ZC3H12B: variants seen among roughly 807,000 people sequenced by gnomAD.
ZC3H12B encodes zinc finger CCCH-type containing 12B, also known as probable ribonuclease ZC3H12B.
In ZC3H12B, 7 loss-of-function variants were observed where a neutral mutation model predicts 43.9. That is an observed-to-expected ratio of 0.16 (90% CI 0.09 to 0.30). The LOEUF is 0.30. ZC3H12B is among the 10% of genes least tolerant of loss of function. The probability of loss-of-function intolerance (pLI) is 1.00; values close to 1 mark genes in which losing one functional copy is unlikely to be tolerated. For missense variants in ZC3H12B, 475 were observed against 670.2 expected, an observed-to-expected ratio of 0.71 and a Z score of 3.22; for synonymous variants, 222 against 241.7, an observed-to-expected ratio of 0.92 and a Z score of 0.76.
At chrX:65,203,443 G>C in the ZC3H12B span, among the ~76,000 whole-genome samples, 1 of 110,809 alleles carries the variant, frequency 9.0e-6, no homozygotes, top group Non-Finnish European at 1.9e-5. Context: ...CAGTCAGCAG[G>C]TAATGAATTC....
chrX:65,060,910 C>T, the ZC3H12B span, among the ~76,000 whole-genome samples: 1 of 111,459 alleles, frequency 9.0e-6, no homozygotes, highest in Admixed American at 9.5e-5. Context: ...TTTCTTTACT[C>T]GTAGACTTGT....
chrX:65,230,611 CAA>C, the ZC3H12B span, among the ~76,000 whole-genome samples: 126 of 49,268 alleles, frequency 2.6e-3, 1 homozygote, highest in Admixed American at 5.6e-3. Flanking sequence ...CCCCCAGCGC[CAA>C]AAAAAAAAAA....
At chrX:65,148,610 C>A in the ZC3H12B span, among the ~76,000 whole-genome samples, 1 of 111,105 alleles carries the variant, frequency 9.0e-6, no homozygotes, top group African/African-American at 3.3e-5. Flanking sequence ...GGGTCCACGG[C>A]GAAGTCTAGT....
the ZC3H12B span, among the ~76,000 whole-genome samples, chrX:65,222,634 A>G: frequency 9.7e-6 from 1 of 103,424 alleles, no homozygotes; most frequent in Non-Finnish European, 2.0e-5. Context: ...AATAATAATA[A>G]TAATAATAAT....
At chrX:65,211,069 A>G in the ZC3H12B span, among the ~76,000 whole-genome samples, 1 of 77,830 alleles carries the variant, frequency 1.3e-5, no homozygotes, top group Non-Finnish European at 2.1e-5. Flanking sequence ...TTAGAGTATA[A>G]TAAAAAAAAA....
At chrX:65,453,093 A>T (rs2067542746) in intron 3 of ZC3H12B, among the ~76,000 whole-genome samples, 1 of 108,462 alleles carries the variant, frequency 9.2e-6, no homozygotes, top group Non-Finnish European at 1.9e-5. Context: ...ACATTATCTG[A>T]CTTCAAATTA....
chrX:65,239,365 C>A, the ZC3H12B span, among the ~76,000 whole-genome samples: 7 of 109,068 alleles, frequency 6.4e-5, no homozygotes, highest in South Asian at 2.7e-3. Context: ...GGTTTAAAGT[C>A]TGTTTTTTCA....
At chrX:65,123,873 G>C in the ZC3H12B span, among the ~76,000 whole-genome samples, 1 of 109,993 alleles carries the variant, frequency 9.1e-6, no homozygotes, top group Admixed American at 9.8e-5. Flanking sequence ...TCATTCACCA[G>C]AGCTAGGAGC....
At chrX:65,239,169 G>A in the ZC3H12B span, among the ~76,000 whole-genome samples, 1 of 110,758 alleles carries the variant, frequency 9.0e-6, no homozygotes, top group Non-Finnish European at 1.9e-5. Context: ...ATTGTTAGTG[G>A]GGTGTTTAAG....
chrX:65,132,707 T>C, the ZC3H12B span, among the ~76,000 whole-genome samples: 2 of 110,631 alleles, frequency 1.8e-5, no homozygotes, highest in African/African-American at 6.6e-5. Context: ...GTTGGGGAGG[T>C]TTAGAAGCCT....
the ZC3H12B span, among the ~76,000 whole-genome samples, chrX:65,094,951 G>T: frequency 8.0e-5 from 9 of 111,896 alleles, no homozygotes; most frequent in Admixed American, 6.6e-4. Flanking sequence ...AACTAGTTAT[G>T]CAGACTTAGG....
At chrX:65,341,586 A>C in the ZC3H12B span, among the ~76,000 whole-genome samples, 1 of 111,618 alleles carries the variant, frequency 9.0e-6, no homozygotes, top group South Asian at 3.7e-4. Flanking sequence ...AATTTCATCC[A>C]AGAATTTCAT....
the ZC3H12B span, among the ~76,000 whole-genome samples, chrX:65,055,738 G>T: frequency 9.0e-6 from 1 of 111,367 alleles, no homozygotes; most frequent in Non-Finnish European, 1.9e-5. Flanking sequence ...TGGTTGGTAT[G>T]CTATTAATTA....
chrX:65,491,828 A>T (rs2068208713), intron 1 of ZC3H12B, among the ~76,000 whole-genome samples: 1 of 109,731 alleles, frequency 9.1e-6, no homozygotes, highest in Non-Finnish European at 1.9e-5. Context: ...AGGTACGTAA[A>T]GCAGGCTAGA....
chrX:65,115,453 G>A, the ZC3H12B span, among the ~76,000 whole-genome samples: 2 of 110,520 alleles, frequency 1.8e-5, no homozygotes, highest in African/African-American at 3.3e-5. Context: ...TCTACTCATT[G>A]ATTGTTGGGC....
chrX:65,290,230 A>T, the ZC3H12B span, among the ~76,000 whole-genome samples: 1 of 111,146 alleles, frequency 9.0e-6, no homozygotes, highest in African/African-American at 3.3e-5. Flanking sequence ...TATATGAAAA[A>T]TGCTGAACAT....
At chrX:65,204,135 A>T in the ZC3H12B span, among the ~76,000 whole-genome samples, 2 of 111,859 alleles carry the variant, frequency 1.8e-5, no homozygotes, top group Non-Finnish European at 1.9e-5. Context: ...TTGTCAATTC[A>T]AAACTGTATT....
the ZC3H12B span, among the ~76,000 whole-genome samples, chrX:65,286,559 T>A: frequency 9.1e-6 from 1 of 109,812 alleles, no homozygotes; most frequent in African/African-American, 3.3e-5. Flanking sequence ...GAACCTAAAA[T>A]AAAAGTTGAG....
chrX:65,101,740 C>T, the ZC3H12B span, among the ~76,000 whole-genome samples: 1 of 111,992 alleles, frequency 8.9e-6, no homozygotes, highest in East Asian at 2.8e-4. Context: ...GAAATTGAGG[C>T]AGTAATTAAC....
Sources: gnomAD v4.1 joint callset for allele counts (sites outside exome capture counted in the v4.1 genomes callset) on GRCh38, gnomAD v4.1.1 for gene constraint, MANE v1.5 for transcripts, NCBI Gene and HGNC (gene_info 2026-07-23, HGNC 2026-07-21) for gene names.